CACNA1B: variants seen among roughly 807,000 people sequenced by gnomAD.
CACNA1B encodes the protein calcium voltage-gated channel subunit alpha1 B, also known as voltage-dependent N-type calcium channel subunit alpha-1B.
CACNA1B carries 70 observed loss-of-function variants against 247.2 expected under a neutral mutation model. The observed-to-expected ratio is 0.28, with a 90% CI of 0.23 to 0.35. The LOEUF (loss-of-function observed/expected upper bound fraction) is 0.35, where lower values mean the gene tolerates loss of function less well. Ranked by LOEUF, CACNA1B falls within the 10% of genes least tolerant of loss-of-function variation. The pLI is 1.00. For synonymous variants in CACNA1B, 1,231 were observed against 1,294.4 expected (o/e 0.95, Z 1.05); for missense variants, 2,367 against 3,197.4 (o/e 0.74, Z 6.26).
chr9:138,116,973 C>T lies in CACNA1B; in HGVS notation c.5778-973C>T, dbSNP rs555317603. ...CCACCAGTGTGTCCTTCTGCCATCT[C>T]TGCGTCCACTGCTGTGGTCAGGGTG... On this transcript the variant is annotated intron_variant, in intron 42 of 46. Coordinates refer to ENST00000371372, the MANE Select transcript of CACNA1B (RefSeq NM_000718.4). Among the ~76,000 whole-genome samples the T allele has an allele frequency of 8.5e-5, 13 of 152,328 alleles. No individual in the cohort carries two copies. In the South Asian group the frequency reaches 2.7e-3, roughly 32 times the overall value.
At chr9:137,978,779 C>T (rs1009743615) in intron 12 of CACNA1B, among the ~76,000 whole-genome samples, 8 of 152,174 alleles carry the variant, frequency 5.3e-5, no homozygotes, top group Admixed American at 2.0e-4. Flanking sequence ...GTGTGACTGG[C>T]CCCAGGCTGC....
At chr9:137,969,604 T>G (rs559963603) in intron 10 of CACNA1B, among the ~76,000 whole-genome samples, 1 of 152,182 alleles carries the variant, frequency 6.6e-6, no homozygotes, top group African/African-American at 2.4e-5. Context: ...GTGTTCTCTT[T>G]CCCTCCTTCC....
chr9:138,078,622 C>A (rs887976963), intron 36 of CACNA1B, among the ~76,000 whole-genome samples: 3 of 152,140 alleles, frequency 2.0e-5, no homozygotes, highest in African/African-American at 7.2e-5. Flanking sequence ...GTCGGCAGGG[C>A]AGGCCCCAGA....
At chr9:137,926,633 A>G (rs1957554589) in intron 6 of CACNA1B, among the ~76,000 whole-genome samples, 1 of 152,222 alleles carries the variant, frequency 6.6e-6, no homozygotes. Context: ...TAGTTGTACC[A>G]TTTGACATTC....
chr9:138,085,884 C>T (rs949178979), intron 36 of CACNA1B, among the ~76,000 whole-genome samples: 1 of 151,268 alleles, frequency 6.6e-6, no homozygotes, highest in African/African-American at 2.4e-5. Flanking sequence ...ACCAGCCTTA[C>T]AAGAAATACA....
chr9:137,995,951 C>T (rs1476158714), intron 15 of CACNA1B, among the ~76,000 whole-genome samples: 1 of 152,120 alleles, frequency 6.6e-6, no homozygotes, highest in Non-Finnish European at 1.5e-5. Flanking sequence ...AAATAAAAAC[C>T]ACAGTGTGAT....
At chr9:138,006,915 G>T in intron 16 of CACNA1B, 31 bp downstream of exon 16, 1 of 1,224,754 alleles carries the variant, frequency 8.2e-7, no homozygotes, top group Non-Finnish European at 1.2e-6. Context: ...GGCAGAGGGT[G>T]GTCAGTGCTT....
chr9:138,006,334 TGA>T (rs1289005542), intron 15 of CACNA1B, among the ~76,000 whole-genome samples: 1 of 152,210 alleles, frequency 6.6e-6, no homozygotes. Flanking sequence ...TGGCAGGAAC[TGA>T]GAGCATAAGG....
intron 5 of CACNA1B, among the ~76,000 whole-genome samples, chr9:137,916,201 TTTTTGTA>T (rs1221821476): frequency 6.6e-6 from 1 of 151,882 alleles, no homozygotes; most frequent in East Asian, 1.9e-4. Context: ...CCCAGCTAAT[TTTTTGTA>T]TTTTAGTACA....
rs1284463864 is a variant in CACNA1B, at chr9:138,105,754, C to T, written c.5375C>T (p.Thr1792Met). 1.9e-6 allele frequency: 3 copies of T among 1,567,744 alleles called. No individual in the cohort carries two copies. The highest frequency in any genetic ancestry group is 2.6e-6 in the Non-Finnish European group (3 of 1,157,272). ...AACGAGGACATGACTGTTCACTTCACGTCCACGCTGATGGCCCTCATCCGG... is the reference window on the plus strand; with the variant it reads ...AACGAGGACATGACTGTTCACTTCATGTCCACGCTGATGGCCCTCATCCGG... ...ISNEDMTVHFTSTLMALIRTA... is the reference protein window; with the variant it reads ...ISNEDMTVHFMSTLMALIRTA... The change falls in exon 39 of 47, where the codon ACG becomes ATG. Residue 1792 changes from threonine to methionine, a missense_variant. Coordinates refer to ENST00000371372, the MANE Select transcript of CACNA1B (RefSeq NM_000718.4).
rs906995469 is a variant in CACNA1B at position 137,974,793 on chromosome 9, G to A, written c.1544-1114G>A. ...CTCTGCCCAGTTGTGGACTCTCAGG[G>A]GCCTGCCCTTCATGCCCTCCCAGGG... On this transcript the variant is annotated intron_variant, in intron 11 of 46. Coordinates refer to ENST00000371372, the MANE Select transcript of CACNA1B (RefSeq NM_000718.4). This position sits in a 1 kb window ranked among gnomAD's most constrained non-coding sequence, Gnocchi z 4.5. 5.9e-5 allele frequency among the ~76,000 whole-genome samples: 9 copies of A among 152,330 alleles called. No homozygotes were observed. Among genetic ancestry groups the A allele is most frequent in the African/African-American group, 2.2e-4 (9 of 41,578 alleles).
At position 137,957,118 on chromosome 9, in the gene CACNA1B, C is replaced by A. The variant is rs1179733401; in HGVS notation, c.1243+291C>A. Among the ~76,000 whole-genome samples, 1 of 152,300 alleles carries A rather than the reference C, an allele frequency of 6.6e-6. No individual in the cohort carries two copies. The highest frequency in any genetic ancestry group is 1.5e-5 in the Non-Finnish European group (1 of 68,016). On this transcript the variant is annotated intron_variant, in intron 9 of 46. Coordinates refer to ENST00000371372, the MANE Select transcript of CACNA1B (RefSeq NM_000718.4). This position sits in a 1 kb window ranked among gnomAD's most constrained non-coding sequence, Gnocchi z 4.7. Reference sequence around the variant, plus strand: ...CAACCTGGGGCCATGAGAGGGAGCCCGGGCCCCACTGCTGTGGTTGCTGGC... The same window carrying A: ...CAACCTGGGGCCATGAGAGGGAGCCAGGGCCCCACTGCTGTGGTTGCTGGC...
At chr9:137,886,767 C>A (rs1220840864) in intron 3 of CACNA1B, among the ~76,000 whole-genome samples, 1 of 152,038 alleles carries the variant, frequency 6.6e-6, no homozygotes, top group South Asian at 2.1e-4. Flanking sequence ...CCCCAGAGAG[C>A]AGTCGGCAGG....
intron 18 of CACNA1B, among the ~76,000 whole-genome samples, chr9:138,022,227 T>C (rs1958853768): frequency 6.6e-6 from 1 of 152,032 alleles, no homozygotes; most frequent in South Asian, 2.1e-4. Flanking sequence ...AGGGAGGGGC[T>C]CTCCATGGAG....
At chr9:138,015,903 C>G (rs890516947) in intron 18 of CACNA1B, among the ~76,000 whole-genome samples, 1 of 152,142 alleles carries the variant, frequency 6.6e-6, no homozygotes, top group Non-Finnish European at 1.5e-5. Flanking sequence ...TGGCAGCCTG[C>G]AGAGTCACAC....
chr9:138,103,643 TCCC>T (rs1285986728), intron 38 of CACNA1B, among the ~76,000 whole-genome samples: 2 of 152,000 alleles, frequency 1.3e-5, no homozygotes, highest in Non-Finnish European at 2.9e-5. Flanking sequence ...GCACCTTCGT[TCCC>T]CCAGCACCCA....
At chr9:138,086,735 C>T (rs893980893) in intron 36 of CACNA1B, among the ~76,000 whole-genome samples, 5 of 151,250 alleles carry the variant, frequency 3.3e-5, no homozygotes, top group Middle Eastern at 3.4e-3. Context: ...CCCTATGCTC[C>T]GCATTGAACA....
At chr9:137,932,348 C>G (rs950057389) in intron 6 of CACNA1B, among the ~76,000 whole-genome samples, 1 of 152,152 alleles carries the variant, frequency 6.6e-6, no homozygotes, top group Admixed American at 6.5e-5. Flanking sequence ...TTGGGAGCTA[C>G]ATTAATTTTG....
chr9:137,972,233 A>C lies in CACNA1B; in HGVS notation c.1543+641A>C, dbSNP rs1018683338. 2.0e-5 allele frequency among the ~76,000 whole-genome samples: 3 copies of C among 148,290 alleles called. No homozygotes were observed. In the East Asian group the frequency reaches 5.8e-4, roughly 29 times the overall value. On this transcript the variant is annotated intron_variant, in intron 11 of 46. Coordinates refer to ENST00000371372, the MANE Select transcript of CACNA1B (RefSeq NM_000718.4). ...CCTCGGACTCTCTGTCCCATGTGGA[A>C]TACAGCATTGCTCTGTGGTCTTACT...
Sources: allele counts gnomAD v4.1 joint callset (sites outside exome capture counted in the v4.1 genomes callset), GRCh38; gene constraint gnomAD v4.1.1; non-coding constraint Gnocchi (gnomAD v3.1); transcripts MANE v1.5; gene names NCBI Gene and HGNC (gene_info 2026-07-23, HGNC 2026-07-21).